Variants in PEAK1 observed in about 807,000 individuals in gnomAD.
PEAK1 encodes the protein inactive tyrosine-protein kinase PEAK1.
PEAK1 carries 54 observed loss-of-function variants against 124.7 expected under a neutral mutation model. That is an observed-to-expected ratio of 0.43 (90% CI 0.35 to 0.54). The LOEUF is 0.54. Among genes scored for constraint, PEAK1 ranks in the 20% least tolerant of loss-of-function variants. The probability of loss-of-function intolerance (pLI) is 0.01; values close to 1 mark genes in which losing one functional copy is unlikely to be tolerated. For synonymous variants in PEAK1, 719 were observed against 760.0 expected (o/e 0.95, Z 0.89); for missense variants, 2,046 against 2,134.5 (o/e 0.96, Z 0.82).
At chr15:77,246,013 CTT>C (rs555544274) in intron 6 of PEAK1, among the ~76,000 whole-genome samples, 4 of 141,212 alleles carry the variant, frequency 2.8e-5, no homozygotes, top group African/African-American at 2.6e-5. Flanking sequence ...ACCTGCTAGA[CTT>C]TTTTTTTTTT....
At chr15:77,157,961 G>A (rs926218355) in intron 8 of PEAK1, 1 of 152,800 alleles carries the variant, frequency 6.5e-6, no homozygotes, top group African/African-American at 2.4e-5. Context: ...ACAGCAAAAA[G>A]TCTAAGGTTT....
chr15:77,214,054 G>A (rs1281923725), intron 6 of PEAK1, among the ~76,000 whole-genome samples: 18 of 152,068 alleles, frequency 1.2e-4, no homozygotes, highest in Admixed American at 1.2e-3. Flanking sequence ...TGTTTGACTT[G>A]CCTCACTTAC....
intron 8 of PEAK1, among the ~76,000 whole-genome samples, chr15:77,150,191 ACTT>A (rs2054482929): frequency 6.6e-6 from 1 of 152,186 alleles, no homozygotes; most frequent in African/African-American, 2.4e-5. Flanking sequence ...AAAGTACATG[ACTT>A]CTTTTTTTAA....
intron 6 of PEAK1, among the ~76,000 whole-genome samples, chr15:77,208,758 G>A (rs895316200): frequency 6.6e-6 from 1 of 152,164 alleles, no homozygotes; most frequent in Non-Finnish European, 1.5e-5. Flanking sequence ...TGTGTGAAAT[G>A]TGTGAAAATA....
intron 1 of PEAK1, among the ~76,000 whole-genome samples, chr15:77,391,848 CAGGGGAG>C (rs1358536093): frequency 1.3e-5 from 2 of 152,146 alleles, no homozygotes; most frequent in Non-Finnish European, 2.9e-5. Flanking sequence ...ACAAATTAAA[CAGGGGAG>C]AAGAGATGAT....
At position 77,181,046 on chromosome 15, in the gene PEAK1, A is replaced by T. The variant is rs369584873; in HGVS notation, c.881T>A (p.Ile294Asn). Residue 294 changes from isoleucine to asparagine, a missense_variant, in exon 7 of 10, where the codon ATC becomes AAC. By Grantham distance (149) the Ile-to-Asn change is moderately radical (BLOSUM62 -3). Transcript: ENST00000682557. ...CTGCAGAGACTTGTTTCGCAGGGGGATGGTATTCCATTTTTTGTCCACAAA... is the reference window on the plus strand; with the variant it reads ...CTGCAGAGACTTGTTTCGCAGGGGGTTGGTATTCCATTTTTTGTCCACAAA... ...RFFVDKKWNT[I>N]PLRNKSLQRI... The T allele has an allele frequency of 6.2e-7, 1 of 1,613,956 alleles. No homozygotes were observed. The highest frequency in any genetic ancestry group is 1.3e-5 in the African/African-American group (1 of 74,898).
chr15:77,381,137 G>T, intron 1 of PEAK1: 1 of 802,326 alleles, frequency 1.2e-6, no homozygotes, highest in South Asian at 5.7e-5. Flanking sequence ...TTAAATAATG[G>T]AGTAACATGC....
At chr15:77,242,263 T>A (rs2060392104) in intron 6 of PEAK1, among the ~76,000 whole-genome samples, 1 of 152,122 alleles carries the variant, frequency 6.6e-6, no homozygotes, top group Admixed American at 6.5e-5. Flanking sequence ...TGTACATATA[T>A]ATTTTAAAGT....
chr15:77,155,220 C>T (rs1222994684), intron 8 of PEAK1: 2 of 152,220 alleles, frequency 1.3e-5, no homozygotes, highest in East Asian at 1.9e-4. Flanking sequence ...CCCTTCTCGC[C>T]TCATTTCATT....
intron 2 of PEAK1, chr15:77,334,779 A>ATT: frequency 1.0e-6 from 1 of 984,602 alleles, no homozygotes; most frequent in Non-Finnish European, 1.2e-6. Context: ...CTTTTGTCTT[A>ATT]TTTTGTCATT....
intron 1 of PEAK1, 52 bp from the exon 2 acceptor site, chr15:77,365,277 G>C (rs2068144766): frequency 1.3e-6 from 1 of 778,508 alleles, no homozygotes; most frequent in African/African-American, 1.9e-5. Flanking sequence ...GGTTGAATCT[G>C]AGTATGGAAA....
chr15:77,138,007 T>C (rs561080544), intron 8 of PEAK1, among the ~76,000 whole-genome samples: 7 of 151,920 alleles, frequency 4.6e-5, no homozygotes, highest in African/African-American at 1.7e-4. Flanking sequence ...AAAAGAGGAG[T>C]TCCTCTGCAT....
At chr15:77,324,840 A>G (rs2065467244) in intron 2 of PEAK1, among the ~76,000 whole-genome samples, 1 of 152,150 alleles carries the variant, frequency 6.6e-6, no homozygotes. Flanking sequence ...CCATGATCCA[A>G]TCACCTCCCA....
intron 5 of PEAK1, among the ~76,000 whole-genome samples, chr15:77,275,483 C>T (rs1296617620): frequency 1.3e-5 from 2 of 151,934 alleles, no homozygotes; most frequent in Admixed American, 6.6e-5. Context: ...TTTGGGAGGC[C>T]GAGGCGGGTG....
chr15:77,350,287 C>T (rs1176726665), intron 2 of PEAK1: 3 of 985,128 alleles, frequency 3.0e-6, no homozygotes, highest in Non-Finnish European at 3.6e-6. Flanking sequence ...TTAGAAGAAT[C>T]AATATATAAT....
At chr15:77,404,796 C>T in intron 1 of PEAK1, 1 of 971,478 alleles carries the variant, frequency 1.0e-6, no homozygotes, top group Non-Finnish European at 1.2e-6. Flanking sequence ...ATTAAAGGTA[C>T]TGCTGCTTCA....
intron 1 of PEAK1, among the ~76,000 whole-genome samples, chr15:77,379,361 T>C (rs1400064639): frequency 6.6e-6 from 1 of 152,164 alleles, no homozygotes; most frequent in African/African-American, 2.4e-5. Flanking sequence ...TTTGAAGAGC[T>C]CATTGAAGAA....
chr15:77,418,385 A>G (rs552278969), intron 1 of PEAK1: 1 of 985,218 alleles, frequency 1.0e-6, no homozygotes, highest in Admixed American at 6.1e-5. Context: ...AGAATCCAAA[A>G]TAAAGACATG....
rs760660361 is a variant in PEAK1, at chr15:77,178,792, G to A, written c.3135C>T (p.Leu1045=). The A allele has an allele frequency of 3.7e-6, 6 of 1,611,792 alleles. No individual in the cohort carries two copies. The highest frequency in any genetic ancestry group is 5.1e-6 in the Non-Finnish European group (6 of 1,178,782). Residue 1045 remains leucine (L), a splice_region_variant and synonymous_variant, in exon 7 of 10, where the codon CTC becomes CTT. Coordinates refer to ENST00000682557, the MANE Select transcript of PEAK1 (RefSeq NM_001385026.1). The stretch of plus-strand genomic sequence containing the variant: ...TTCTTCCAGTCTATTTTACATACCT[G>A]AGAATCTTTTTAGGAATCTGTGATG... ...SSPSQIPKKI[L]SHMTHEVTED... is the part of the protein sequence containing the mutation.
Sources: gnomAD v4.1 joint callset for allele counts (sites outside exome capture counted in the v4.1 genomes callset) on GRCh38, gnomAD v4.1.1 for gene constraint, MANE v1.5 for transcripts, NCBI Gene and HGNC (gene_info 2026-07-23, HGNC 2026-07-21) for gene names.